Variants in HMSD observed in about 807,000 individuals in gnomAD.
HMSD encodes histocompatibility minor serpin domain containing, also known as serpin-like protein HMSD.
Under a neutral mutation model 10.0 loss-of-function variants are expected in HMSD, and 13 were observed. The observed-to-expected ratio is 1.31, with a 90% CI of 0.85 to 2.08. HMSD has a LOEUF of 2.08. Among genes scored for constraint, HMSD ranks in the 30% most tolerant of loss-of-function variants. The pLI, the probability that HMSD is intolerant of heterozygous loss-of-function variation, is 0.00. For synonymous variants in HMSD, 51 were observed against 54.2 expected (o/e 0.94, Z 0.26); for missense variants, 169 against 166.3 (o/e 1.02, Z -0.09).
At chr18:63,951,354 A>C (rs1271725609) in intron 1 of HMSD, among the ~76,000 whole-genome samples, 1 of 152,232 alleles carries the variant, frequency 6.6e-6, no homozygotes, top group African/African-American at 2.4e-5. Context: ...TGACTAAATA[A>C]GGTATAATAA....
At chr18:63,952,429 A>G (rs1030923018) in intron 1 of HMSD, among the ~76,000 whole-genome samples, 1 of 152,198 alleles carries the variant, frequency 6.6e-6, no homozygotes, top group Non-Finnish European at 1.5e-5. Flanking sequence ...TATAAATAAA[A>G]TTAGAATTAC....
At chr18:63,964,808 A>G (rs537745955), downstream of HMSD, among the ~76,000 whole-genome samples, 61 of 152,286 alleles carry the variant, frequency 4.0e-4, no homozygotes, top group East Asian at 1.9e-3. Flanking sequence ...CAAAGGCCCT[A>G]TCTCCAGAAA....
At chr18:63,957,364 T>C (rs1260992085) in intron 3 of HMSD, among the ~76,000 whole-genome samples, 2 of 152,196 alleles carry the variant, frequency 1.3e-5, no homozygotes, top group African/African-American at 4.8e-5. Flanking sequence ...TTTATGTGTA[T>C]TGAGAATTTC....
At chr18:63,958,755 T>C (rs1244962868) in intron 3 of HMSD, among the ~76,000 whole-genome samples, 1 of 152,172 alleles carries the variant, frequency 6.6e-6, no homozygotes, top group African/African-American at 2.4e-5. Flanking sequence ...CAATAGCCTA[T>C]GTGGCACCGC....
intron 1 of HMSD, among the ~76,000 whole-genome samples, chr18:63,952,411 G>A (rs536214631): frequency 6.6e-6 from 1 of 152,120 alleles, no homozygotes; most frequent in African/African-American, 2.4e-5. Flanking sequence ...AGGGAAAATA[G>A]CAAAGGATAT....
Position 63,960,695 on chromosome 18 carries a change from T to C in HMSD, c.*340T>C. On this transcript the variant is annotated 3_prime_UTR_variant, in exon 4 of 4. Coordinates refer to ENST00000408945, the MANE Select transcript of HMSD (RefSeq NM_001123366.2). Reference sequence around the variant, plus strand: ...AGATTGAACAGGGAGAGTTATATTGTTTTCTAGGGCACAGCTAAAAAGACA... The same window carrying C: ...AGATTGAACAGGGAGAGTTATATTGCTTTCTAGGGCACAGCTAAAAAGACA... 1 of 197,316 alleles carries C rather than the reference T, an allele frequency of 5.1e-6. No individual in the cohort carries two copies. The highest frequency in any genetic ancestry group is 1.0e-5 in the Non-Finnish European group (1 of 98,488). The allele number at this position is 197,316 out of a possible 1,614,324, so 12.2% of individuals were successfully genotyped here. A position where few individuals can be genotyped will look rare whatever the true frequency, so the allele number is the denominator to read the frequency against.
rs1395200880 is a variant in HMSD, at chr18:63,953,495, G to A, written c.40G>A (p.Ala14Thr). Reference protein sequence around the residue: ...SSALAMVFMGAKGNTAAQMSQ... With the variant: ...SSALAMVFMGTKGNTAAQMSQ... ...AGCCTTGGCCATGGTTTTCATGGGG[G>A]CAAAGGGAAACACTGCAGCTCAGAT... The change falls in exon 2 of 4, where the codon GCA becomes ACA. Residue 14 changes from alanine (A) to threonine (T), a missense_variant. Ala to Thr is a moderately conservative substitution (Grantham distance 58). Transcript: ENST00000408945. The A allele has an allele frequency of 1.2e-6, 2 of 1,613,706 alleles. No homozygotes were observed. The highest frequency in any genetic ancestry group is 1.3e-5 in the African/African-American group (1 of 74,888).
intron 3 of HMSD, among the ~76,000 whole-genome samples, chr18:63,957,497 T>C (rs905510624): frequency 6.6e-6 from 1 of 152,170 alleles, no homozygotes; most frequent in African/African-American, 2.4e-5. Context: ...TACTGTGATA[T>C]GTATTTTTTC....
chr18:63,964,178 A>G (rs2050401316), downstream of HMSD, among the ~76,000 whole-genome samples: 1 of 152,202 alleles, frequency 6.6e-6, no homozygotes, highest in Non-Finnish European at 1.5e-5. Context: ...AGCTCTGAAT[A>G]TCAGCCTTGG....
chr18:63,954,565 A>G lies in HMSD; in HGVS notation c.222+8A>G. The G allele has an allele frequency of 6.2e-7, 1 of 1,603,124 alleles. No individual in the cohort carries two copies. ...TCTTATGATTTCCTCACAGTAAGTC[A>G]TACTTGTTTATTAGGAAAATAAAGA... On this transcript the variant is annotated splice_region_variant and intron_variant, in intron 3 of 3. Coordinates refer to ENST00000408945, the MANE Select transcript of HMSD (RefSeq NM_001123366.2).
At chr18:63,959,887 C>G (rs2050376983) in intron 3 of HMSD, among the ~76,000 whole-genome samples, 1 of 152,114 alleles carries the variant, frequency 6.6e-6, no homozygotes, top group Non-Finnish European at 1.5e-5. Flanking sequence ...TTTAAATTAT[C>G]TCATTGATGG....
At chr18:63,963,905 G>A (rs1008502068), downstream of HMSD, among the ~76,000 whole-genome samples, 12 of 152,328 alleles carry the variant, frequency 7.9e-5, no homozygotes, top group African/African-American at 2.6e-4. Flanking sequence ...ATTATTCAGT[G>A]TAGGCACCCA....
At position 63,953,473 on chromosome 18, in the gene HMSD, C is replaced by T. The variant is rs889171060; in HGVS notation, c.18C>T (p.Ala6=). 1.9e-6 allele frequency: 3 copies of T among 1,613,994 alleles called. No individual in the cohort carries two copies. The highest frequency in any genetic ancestry group is 2.5e-6 in the Non-Finnish European group (3 of 1,179,906). Residue 6 remains alanine, a synonymous_variant, in exon 2 of 4, where the codon GCC becomes GCT. Coordinates refer to ENST00000408945, the MANE Select transcript of HMSD (RefSeq NM_001123366.2). MSISS[A]LAMVFMGAKG... ...TTTTCCCCATGAGCATATCATCAGC[C>T]TTGGCCATGGTTTTCATGGGGGCAA...
chr18:63,958,373 A>G (rs923697445), intron 3 of HMSD, among the ~76,000 whole-genome samples: 2 of 152,176 alleles, frequency 1.3e-5, no homozygotes, highest in Non-Finnish European at 2.9e-5. Flanking sequence ...TCTCCATGCC[A>G]TACTGATACA....
At chr18:63,967,868 G>C (rs1341054962) in intron 3 of HMSD, 2 of 152,172 alleles carry the variant, frequency 1.3e-5, no homozygotes, top group African/African-American at 4.8e-5. Context: ...CTCTGAAATT[G>C]GGCTTTAGTT....
Position 63,953,393 on chromosome 18 carries a change from A to G in HMSD, c.-63A>G, listed in dbSNP as rs2050340969. 7.6e-7 allele frequency: 1 copy of G among 1,310,420 alleles called. No homozygotes were observed. The highest frequency in any genetic ancestry group is 1.5e-5 in the African/African-American group (1 of 68,752). 81.2% of individuals were successfully genotyped at this position (1,310,420 alleles called of 1,614,324 possible). On this transcript the variant is annotated 5_prime_UTR_variant, in exon 2 of 4. Transcript: ENST00000408945. ...ATGCTCTATCAGAAGCAAATGGCACATTTGCATTAAACCTTTTGAAAAAGC... is the reference window on the plus strand; with the variant it reads ...ATGCTCTATCAGAAGCAAATGGCACGTTTGCATTAAACCTTTTGAAAAAGC...
downstream of HMSD, among the ~76,000 whole-genome samples, chr18:63,962,432 T>C (rs1373027454): frequency 6.6e-6 from 1 of 152,214 alleles, no homozygotes; most frequent in Non-Finnish European, 1.5e-5. Flanking sequence ...CCCTTTAAGA[T>C]GAAGTCTGAT....
At chr18:63,957,538 T>C (rs1370655348) in intron 3 of HMSD, among the ~76,000 whole-genome samples, 1 of 152,174 alleles carries the variant, frequency 6.6e-6, no homozygotes, top group African/African-American at 2.4e-5. Context: ...ATTAATTGTT[T>C]GCAAACAGAT....
In HMSD at chr18:63,950,415, C is replaced by CAAAAAAAAAAA. The variant is rs562421091; in HGVS notation, c.-103+1032_-103+1042dup. On this transcript the variant is annotated intron_variant, in intron 1 of 3. Transcript: ENST00000408945. ...TGAGGGACAAAGCGAGACTCTCTCT[C>CAAAAAAAAAAA]AAAAAAAAAAAAAAAAAAAAAAAAA... Among the ~76,000 whole-genome samples the CAAAAAAAAAAA allele has an allele frequency of 6.4e-3, 248 of 39,048 alleles. 23 individuals carry two copies. Among genetic ancestry groups the CAAAAAAAAAAA allele is most frequent in the Non-Finnish European group, 8.3e-3 (146 of 17,498 alleles). The allele number at this position is 39,048 out of a possible 152,430, so 25.6% of individuals were successfully genotyped here.
Sources: gnomAD v4.1 joint callset for allele counts (sites outside exome capture counted in the v4.1 genomes callset) on GRCh38, gnomAD v4.1.1 for gene constraint, MANE v1.5 for transcripts, NCBI Gene and HGNC (gene_info 2026-07-23, HGNC 2026-07-21) for gene names.